The following IL33 variants were observed in gnomAD, a reference collection of about 807,000 sequenced individuals.
IL33 encodes interleukin 33.
Under a neutral mutation model 27.3 loss-of-function variants are expected in IL33, and 37 were observed. The ratio of observed to expected loss-of-function variants is 1.36; its 90% confidence interval spans 1.04 to 1.78. The LOEUF (loss-of-function observed/expected upper bound fraction) is 1.78. Among genes scored for constraint, IL33 ranks in the 40% most tolerant of loss-of-function variants. IL33 has a pLI of 0.00. For synonymous variants in IL33, 132 were observed against 102.9 expected (o/e 1.28, Z -1.71); for missense variants, 406 against 311.4 (o/e 1.30, Z -2.29).
rs1056327360 is a variant in IL33 at position 6,254,822 on chromosome 9, C to T, written c.612+269C>T. ...GGGAGCCTGTTAGAAATGCAGGATT[C>T]TAAGCCCCCCAGAAATAAATCAGAA... On this transcript the variant is annotated intron_variant, in intron 7 of 7. Coordinates refer to ENST00000682010, the MANE Select transcript of IL33 (RefSeq NM_033439.4). 5.3e-5 allele frequency among the ~76,000 whole-genome samples: 8 copies of T among 152,216 alleles called. No homozygotes were observed. The South Asian group carries it at 1.7e-3, about 32-fold the overall frequency.
intron 3 of IL33, among the ~76,000 whole-genome samples, 164 bp from the exon 4 acceptor site, chr9:6,250,976 G>T (rs917973004): frequency 6.6e-6 from 1 of 152,014 alleles, no homozygotes; most frequent in Non-Finnish European, 1.5e-5. Flanking sequence ...CTTCTACTGG[G>T]GAATAAGTGT....
chr9:6,229,842 G>T (rs1477359060), intron 1 of IL33, among the ~76,000 whole-genome samples: 1 of 152,118 alleles, frequency 6.6e-6, no homozygotes, highest in Non-Finnish European at 1.5e-5. Context: ...ATATATAATA[G>T]ATAAGGAAGG....
At chr9:6,217,378 G>A (rs1337852651) in intron 1 of IL33, among the ~76,000 whole-genome samples, 2 of 151,984 alleles carry the variant, frequency 1.3e-5, no homozygotes, top group Non-Finnish European at 2.9e-5. Context: ...TACCAAGGTG[G>A]TTTACTTTTG....
At chr9:6,228,093 A>T (rs1342754285) in intron 1 of IL33, among the ~76,000 whole-genome samples, 2 of 152,246 alleles carry the variant, frequency 1.3e-5, no homozygotes, top group East Asian at 3.8e-4. Flanking sequence ...AATAAGTTAA[A>T]TATGTGAAGC....
intron 7 of IL33, 36 bp from the exon 8 acceptor site, chr9:6,255,932 T>C (rs746625312): frequency 6.4e-7 from 1 of 1,565,158 alleles, no homozygotes; most frequent in Admixed American, 1.7e-5. Flanking sequence ...GAACTTCCCA[T>C]TCACATATGG....
chr9:6,217,068 T>A (rs2130049460), intron 1 of IL33, among the ~76,000 whole-genome samples: 1 of 152,162 alleles, frequency 6.6e-6, no homozygotes. Flanking sequence ...TAGGTGCTGC[T>A]GATTGGTTGG....
intron 7 of IL33, 149 bp from the exon 8 acceptor site, chr9:6,255,819 C>T (rs527275368): frequency 7.8e-6 from 5 of 637,000 alleles, no homozygotes; most frequent in Non-Finnish European, 1.4e-5. Context: ...CTCACTTCTC[C>T]CCCTCTTCCC....
chr9:6,229,824 A>C (rs1279187770), intron 1 of IL33, among the ~76,000 whole-genome samples: 2 of 152,198 alleles, frequency 1.3e-5, no homozygotes, highest in Non-Finnish European at 2.9e-5. Context: ...AGTTGGATCT[A>C]TTATTATATA....
At chr9:6,251,904 G>T (rs1018538141) in intron 4 of IL33, among the ~76,000 whole-genome samples, 3 of 151,704 alleles carry the variant, frequency 2.0e-5, no homozygotes, top group African/African-American at 7.3e-5. Flanking sequence ...GTTGGTTGTG[G>T]TGATGTGCAC....
intron 1 of IL33, among the ~76,000 whole-genome samples, chr9:6,216,076 G>T (rs939177331): frequency 6.6e-6 from 1 of 152,154 alleles, no homozygotes; most frequent in African/African-American, 2.4e-5. Flanking sequence ...TGCTGAAAGA[G>T]ATTGTAATAG....
intron 1 of IL33, among the ~76,000 whole-genome samples, chr9:6,222,080 G>C (rs1047873523): frequency 6.6e-6 from 1 of 152,100 alleles, no homozygotes; most frequent in African/African-American, 2.4e-5. Flanking sequence ...CCTTTGAGTT[G>C]CATTTTTAGA....
chr9:6,248,240 CTTTTTTTTTT>C (rs1179234471), intron 2 of IL33, among the ~76,000 whole-genome samples: 3 of 84,886 alleles, frequency 3.5e-5, no homozygotes, highest in East Asian at 6.9e-4. Context: ...CTTTTCTTTT[CTTTTTTTTTT>C]TTTTTTTTTT....
intron 1 of IL33, among the ~76,000 whole-genome samples, chr9:6,227,617 C>T (rs1473047553): frequency 3.3e-5 from 5 of 152,050 alleles, no homozygotes; most frequent in Non-Finnish European, 7.4e-5. Context: ...AAGGATTCTA[C>T]TCTTTACAAA....
chr9:6,240,101 C>T (rs1448360563), intron 1 of IL33, among the ~76,000 whole-genome samples: 3 of 152,094 alleles, frequency 2.0e-5, no homozygotes, highest in African/African-American at 7.2e-5. Flanking sequence ...CCAGTATTTC[C>T]ACTATCTACA....
chr9:6,221,707 G>C (rs1324307804), intron 1 of IL33, among the ~76,000 whole-genome samples: 1 of 152,140 alleles, frequency 6.6e-6, no homozygotes, highest in Non-Finnish European at 1.5e-5. Context: ...GAACCATGCA[G>C]CAACTAGTAA....
chr9:6,224,194 G>C (rs1818533343), intron 1 of IL33, among the ~76,000 whole-genome samples: 1 of 152,080 alleles, frequency 6.6e-6, no homozygotes, highest in African/African-American at 2.4e-5. Context: ...AAGGCTCCCA[G>C]AACCAATTCC....
rs932871123 is a variant in IL33 at position 6,232,832 on chromosome 9, C to T, written c.-11-8852C>T. On this transcript the variant is annotated intron_variant, in intron 1 of 7. Coordinates refer to ENST00000682010, the MANE Select transcript of IL33 (RefSeq NM_033439.4). ...ACTGCTTTGACTCTTTAACACTCCT[C>T]AGCAGTTCACCCAAAAAATCTCATT... Among the ~76,000 whole-genome samples the T allele has an allele frequency of 1.4e-4, 22 of 152,300 alleles. 3 individuals carry two copies. Among genetic ancestry groups the T allele is most frequent in the Admixed American group, 1.3e-3 (20 of 15,290 alleles).
intron 1 of IL33, among the ~76,000 whole-genome samples, 199 bp downstream of exon 1, chr9:6,216,051 G>C (rs1277340374): frequency 1.1e-4 from 16 of 151,930 alleles, no homozygotes; most frequent in Admixed American, 1.0e-3. Flanking sequence ...TGGGTGATTT[G>C]TAAAATTAAT....
rs556175129 is a variant in IL33 at position 6,229,033 on chromosome 9, G to C, written c.-11-12651G>C. On this transcript the variant is annotated intron_variant, in intron 1 of 7. Coordinates refer to ENST00000682010, the MANE Select transcript of IL33 (RefSeq NM_033439.4). ...GAGGCAGAATTTGTGTGTTTTCTGA[G>C]GATGGTACCCTTTGTGTGAATAAGG... 1.1e-4 allele frequency among the ~76,000 whole-genome samples: 16 copies of C among 152,236 alleles called. No individual in the cohort carries two copies. In the East Asian group the frequency reaches 1.4e-3, roughly 13 times the overall value.
Sources: gnomAD v4.1 joint callset for allele counts (sites outside exome capture counted in the v4.1 genomes callset) on GRCh38, gnomAD v4.1.1 for gene constraint, MANE v1.5 for transcripts, NCBI Gene and HGNC (gene_info 2026-07-23, HGNC 2026-07-21) for gene names.